The following CLEC4D variants were observed in gnomAD, a reference collection of about 807,000 sequenced individuals.
CLEC4D encodes the protein C-type lectin domain family 4 member D, also known as C-type (calcium dependent, carbohydrate-recognition domain) lectin, superfamily member 8.
In CLEC4D, 21 loss-of-function variants were observed where a neutral mutation model predicts 21.1. The observed-to-expected ratio is 1.00, with a 90% confidence interval of 0.71 to 1.43. The LOEUF (loss-of-function observed/expected upper bound fraction) is 1.43. Ranked by LOEUF, CLEC4D falls within the 40% of genes most tolerant of loss-of-function variation. The probability of loss-of-function intolerance (pLI) is 0.00; values close to 1 mark genes in which losing one functional copy is unlikely to be tolerated. For synonymous variants in CLEC4D, 85 were observed against 83.1 expected, an observed-to-expected ratio of 1.02 and a Z score of -0.12; for missense variants, 289 against 260.7, an observed-to-expected ratio of 1.11 and a Z score of -0.75.
the CLEC4D span, among the ~76,000 whole-genome samples, chr12:8,529,203 AT>A: frequency 2.0e-5 from 3 of 152,286 alleles, no homozygotes; most frequent in South Asian, 2.1e-4. Flanking sequence ...TCCAAGGAAG[AT>A]TTTTTTCCCT....
At chr12:8,524,577 T>C (rs944950033), downstream of CLEC4D, among the ~76,000 whole-genome samples, 2 of 152,192 alleles carry the variant, frequency 1.3e-5, no homozygotes, top group Admixed American at 1.3e-4. Flanking sequence ...TGTGTCTGTT[T>C]GATTCTTCTC....
chr12:8,519,531 C>T (rs1484587718), intron 4 of CLEC4D, among the ~76,000 whole-genome samples: 3 of 152,128 alleles, frequency 2.0e-5, no homozygotes, highest in Non-Finnish European at 2.9e-5. Flanking sequence ...AGGGCTGGAT[C>T]CATGCTCTAC....
At chr12:8,528,504 A>G in the CLEC4D span, among the ~76,000 whole-genome samples, 22 of 152,176 alleles carry the variant, frequency 1.4e-4, no homozygotes, top group East Asian at 1.5e-3. Flanking sequence ...ATACACATCC[A>G]TAGTCTCTTT....
intron 2 of CLEC4D, among the ~76,000 whole-genome samples, chr12:8,517,461 C>G (rs1430994498): frequency 7.2e-6 from 1 of 138,804 alleles, no homozygotes; most frequent in African/African-American, 2.6e-5. Context: ...CCCCCCACCC[C>G]ACAACAGGCC....
At chr12:8,517,894 C>G (rs1392568629) in intron 2 of CLEC4D, among the ~76,000 whole-genome samples, 3 of 151,912 alleles carry the variant, frequency 2.0e-5, no homozygotes, top group African/African-American at 7.3e-5. Context: ...TGCAGTGAGC[C>G]GAAATCGCGC....
chr12:8,527,205 A>G (rs1940513595), downstream of CLEC4D, among the ~76,000 whole-genome samples: 1 of 152,118 alleles, frequency 6.6e-6, no homozygotes, highest in African/African-American at 2.4e-5. Flanking sequence ...TGATTAATGA[A>G]GCCCTTTGTC....
intron 4 of CLEC4D, among the ~76,000 whole-genome samples, chr12:8,519,854 G>C (rs1175977437): frequency 6.6e-6 from 1 of 152,108 alleles, no homozygotes; most frequent in Non-Finnish European, 1.5e-5. Flanking sequence ...ACAATGTATA[G>C]GTTCGGTAAT....
downstream of CLEC4D, among the ~76,000 whole-genome samples, chr12:8,524,491 G>A (rs1940492400): frequency 6.6e-6 from 1 of 152,130 alleles, no homozygotes; most frequent in South Asian, 2.1e-4. Context: ...TTTGCTTAGA[G>A]GTATTTATAG....
intron 3 of CLEC4D, among the ~76,000 whole-genome samples, chr12:8,518,726 A>G (rs957747909): frequency 6.6e-6 from 1 of 152,364 alleles, no homozygotes; most frequent in East Asian, 1.9e-4. Flanking sequence ...AACACTTTAA[A>G]TGTGCAAGTC....
downstream of CLEC4D, among the ~76,000 whole-genome samples, chr12:8,527,114 A>G (rs754285128): frequency 3.3e-5 from 5 of 152,252 alleles, no homozygotes; most frequent in South Asian, 1.0e-3. Context: ...ACCTGATGCT[A>G]GTAGGATCAC....
intron 1 of CLEC4D, among the ~76,000 whole-genome samples, chr12:8,513,994 A>G (rs1940343068): frequency 6.6e-6 from 1 of 152,130 alleles, no homozygotes; most frequent in African/African-American, 2.4e-5. Flanking sequence ...TATATAAAAG[A>G]GAAATAAGAT....
chr12:8,516,516 A>C (rs1940383443), intron 2 of CLEC4D, among the ~76,000 whole-genome samples: 2 of 152,254 alleles, frequency 1.3e-5, no homozygotes, highest in South Asian at 4.1e-4. Flanking sequence ...TCATTAATTA[A>C]TTATCAGGGA....
In CLEC4D at chr12:8,521,516, T is replaced by G; in HGVS notation, c.*245T>G. ...GAAGGAATAATCTTTCTTTGCTTTC[T>G]TAGTAGTATTTCAAGGTGTTTACTT... On this transcript the variant is annotated 3_prime_UTR_variant, in exon 6 of 6. Coordinates refer to ENST00000299665, the MANE Select transcript of CLEC4D (RefSeq NM_080387.5). 1 of 701,456 alleles carries G rather than the reference T, an allele frequency of 1.4e-6. No homozygotes were observed. Among genetic ancestry groups the G allele is most frequent in the Non-Finnish European group, 2.0e-6 (1 of 510,030 alleles). The allele number at this position is 701,456 out of a possible 1,614,324, so 43.5% of individuals were successfully genotyped here. A position where few individuals can be genotyped will look rare whatever the true frequency, so the allele number is the denominator to read the frequency against.
rs1940335298 is a variant in CLEC4D at position 8,513,526 on chromosome 12, A to G, written c.-207A>G. 1 of 387,904 alleles carries G rather than the reference A, an allele frequency of 2.6e-6. No homozygotes were observed. Among genetic ancestry groups the G allele is most frequent in the Admixed American group, 4.2e-5 (1 of 23,792 alleles). The allele number at this position is 387,904 out of a possible 1,614,324, so 24.0% of individuals were successfully genotyped here. On this transcript the variant is annotated 5_prime_UTR_variant, in exon 1 of 6. Transcript: ENST00000299665. ...TCGCCTCATCTCCCGGAATGTATCA[A>G]AGGAAACCCCTGTCTTTGAAAAAGA... is the stretch of plus-strand genomic sequence containing the variant.
the CLEC4D span, among the ~76,000 whole-genome samples, chr12:8,531,622 C>T: frequency 6.6e-6 from 1 of 152,032 alleles, no homozygotes. Flanking sequence ...ATTGAAACAT[C>T]GCATTGTATC....
chr12:8,521,513 T>C lies in CLEC4D; in HGVS notation c.*242T>C, dbSNP rs1940459604. The C allele has an allele frequency of 5.5e-6, 4 of 724,724 alleles. No homozygotes were observed. In the South Asian group the frequency reaches 1.5e-4, roughly 27 times the overall value. The allele number at this position is 724,724 out of a possible 1,614,324, so 44.9% of individuals were successfully genotyped here. A position where few individuals can be genotyped will look rare whatever the true frequency, so the allele number is the denominator to read the frequency against. ...ATGGAAGGAATAATCTTTCTTTGCT[T>C]TCTTAGTAGTATTTCAAGGTGTTTA... On this transcript the variant is annotated 3_prime_UTR_variant, in exon 6 of 6. Coordinates refer to ENST00000299665, the MANE Select transcript of CLEC4D (RefSeq NM_080387.5).
chr12:8,521,154 T>A lies in CLEC4D; in HGVS notation c.531T>A (p.Ser177=). ...VFWHKNEPDN[S]QGENCVVLVY... Reference sequence around the variant, plus strand: ...GGCATAAGAATGAACCCGACAACTCTCAGGGAGAAAACTGTGTTGTTCTTG... The same window carrying A: ...GGCATAAGAATGAACCCGACAACTCACAGGGAGAAAACTGTGTTGTTCTTG... Residue 177 remains serine (S), a synonymous_variant, in exon 6 of 6, where the codon TCT becomes TCA. Coordinates refer to ENST00000299665, the MANE Select transcript of CLEC4D (RefSeq NM_080387.5). 6.2e-7 allele frequency: 1 copy of A among 1,613,560 alleles called. No individual in the cohort carries two copies.
At chr12:8,517,086 G>A (rs1940390839) in intron 2 of CLEC4D, among the ~76,000 whole-genome samples, 1 of 152,176 alleles carries the variant, frequency 6.6e-6, no homozygotes, top group Non-Finnish European at 1.5e-5. Context: ...AAGCACAGCG[G>A]TTACTTTAAA....
At chr12:8,522,906 T>C (rs934370016), downstream of CLEC4D, among the ~76,000 whole-genome samples, 3 of 152,226 alleles carry the variant, frequency 2.0e-5, no homozygotes, top group African/African-American at 7.2e-5. Flanking sequence ...GTTTCAGTTT[T>C]CTGCATATGG....
Sources: allele counts gnomAD v4.1 joint callset (sites outside exome capture counted in the v4.1 genomes callset), GRCh38; gene constraint gnomAD v4.1.1; transcripts MANE v1.5; gene names NCBI Gene and HGNC (gene_info 2026-07-23, HGNC 2026-07-21).